The following ZNF44 variants were observed in gnomAD, a reference collection of about 807,000 sequenced individuals.
The protein encoded by ZNF44 is zinc finger protein 44, also known as gonadotropin inducible transcription repressor-2.
ZNF44 carries 9 observed loss-of-function variants against 11.7 expected under a neutral mutation model. The observed-to-expected ratio is 0.77, with a 90% CI of 0.46 to 1.35. The LOEUF is 1.35. ZNF44 is among the 40% of genes most tolerant of loss of function. The pLI, the probability that ZNF44 is intolerant of heterozygous loss-of-function variation, is 0.00. For synonymous variants in ZNF44, 224 were observed against 242.7 expected, an observed-to-expected ratio of 0.92 and a Z score of 0.72; for missense variants, 696 against 743.1, an observed-to-expected ratio of 0.94 and a Z score of 0.74.
intron 2 of ZNF44, among the ~76,000 whole-genome samples, chr19:12,233,850 T>C (rs940767483): frequency 3.4e-4 from 52 of 151,838 alleles, no homozygotes; most frequent in African/African-American, 1.2e-3. Context: ...GATCATGAGG[T>C]CAGGAGTTCG....
chr19:12,284,257 T>C, intron 1 of ZNF44: 1 of 391,706 alleles, frequency 2.6e-6, no homozygotes, highest in Admixed American at 4.0e-5. Context: ...TATAATCATA[T>C]GGAGATAATA....
chr19:12,229,098 T>A (rs1040632310), intron 3 of ZNF44, among the ~76,000 whole-genome samples: 12 of 152,224 alleles, frequency 7.9e-5, no homozygotes, highest in African/African-American at 2.4e-4. Flanking sequence ...TTTAAGCACT[T>A]ATTTTTTTTG....
intron 5 of ZNF44, among the ~76,000 whole-genome samples, chr19:12,251,621 G>A (rs1916999474): frequency 6.6e-6 from 1 of 152,150 alleles, no homozygotes; most frequent in African/African-American, 2.4e-5. Flanking sequence ...CTACACTTCT[G>A]AGCCTCAGGG....
At chr19:12,241,240 G>C (rs1042562836), upstream of ZNF44, among the ~76,000 whole-genome samples, 2 of 152,210 alleles carry the variant, frequency 1.3e-5, no homozygotes, top group East Asian at 3.8e-4. Flanking sequence ...AAAACAAAAA[G>C]TAGAATATAA....
chr19:12,286,493 G>A (rs1398371994), intron 1 of ZNF44, among the ~76,000 whole-genome samples: 2 of 152,000 alleles, frequency 1.3e-5, no homozygotes, highest in Admixed American at 6.6e-5. Context: ...AATTAGCCGG[G>A]CGTGGTGGCG....
At chr19:12,231,219 GTA>G (rs1330654729) in intron 2 of ZNF44, among the ~76,000 whole-genome samples, 1 of 152,100 alleles carries the variant, frequency 6.6e-6, no homozygotes, top group Admixed American at 6.6e-5. Flanking sequence ...TCCTGTGTGG[GTA>G]TGTTTGAAAA....
chr19:12,258,556 G>A (rs987976798), intron 5 of ZNF44, among the ~76,000 whole-genome samples: 3 of 152,144 alleles, frequency 2.0e-5, no homozygotes, highest in African/African-American at 7.2e-5. Flanking sequence ...ATGGCCAGGT[G>A]CAGTGGCTCA....
At chr19:12,287,187 T>C (rs1967797283) in intron 1 of ZNF44, among the ~76,000 whole-genome samples, 1 of 151,904 alleles carries the variant, frequency 6.6e-6, no homozygotes, top group South Asian at 2.1e-4. Context: ...CAACCCCCAT[T>C]ATCCACCAAA....
intron 5 of ZNF44, among the ~76,000 whole-genome samples, chr19:12,253,978 C>T (rs889736547): frequency 1.3e-5 from 2 of 151,804 alleles, no homozygotes; most frequent in South Asian, 4.2e-4. Context: ...GACTCTGTCT[C>T]GAAAAAGGAA....
At chr19:12,235,736 C>T (rs971133963) in intron 1 of ZNF44, among the ~76,000 whole-genome samples, 1 of 152,124 alleles carries the variant, frequency 6.6e-6, no homozygotes, top group Non-Finnish European at 1.5e-5. Flanking sequence ...TGCTTGAGCC[C>T]AGCAGGCAGA....
At chr19:12,238,954 T>C (rs1916505127), upstream of ZNF44, among the ~76,000 whole-genome samples, 2 of 152,216 alleles carry the variant, frequency 1.3e-5, no homozygotes, top group Admixed American at 1.3e-4. Context: ...TGTGAGTTCC[T>C]GTCCCCTCAG....
At chr19:12,224,859 T>C (rs547860458), downstream of ZNF44, 73 of 152,004 alleles carry the variant, frequency 4.8e-4, no homozygotes, top group African/African-American at 1.6e-3. Flanking sequence ...AGGGTTGGAA[T>C]GTTCTGGGCG....
chr19:12,250,639 C>T (rs1242327644), intron 5 of ZNF44: 3 of 390,902 alleles, frequency 7.7e-6, no homozygotes, highest in Non-Finnish European at 1.5e-5. Flanking sequence ...AAATGCTGTA[C>T]AAAAAAATTC....
In ZNF44 at chr19:12,273,166, TTTC is replaced by T; in HGVS notation, c.1086_1088del (p.Lys363del). The T allele has an allele frequency of 6.2e-7, 1 of 1,613,838 alleles. No homozygotes were observed. The highest frequency in any genetic ancestry group is 1.3e-5 in the African/African-American group (1 of 75,048). On this transcript the variant is annotated inframe_deletion, in exon 4 of 4. Transcript: ENST00000355684. ...TCCCACATTGCTTACATTCATAGGG[TTTC>T]TCTAGAGTGTGAGTTCCTTCATGAA...
At chr19:12,269,182 ACTG>A (rs1966886306), downstream of ZNF44, among the ~76,000 whole-genome samples, 1 of 152,200 alleles carries the variant, frequency 6.6e-6, no homozygotes, top group Non-Finnish European at 1.5e-5. Context: ...GCTGGAAAAT[ACTG>A]CTTTTATGTG....
chr19:12,239,803 G>C (rs899747024), upstream of ZNF44, among the ~76,000 whole-genome samples: 1 of 151,022 alleles, frequency 6.6e-6, no homozygotes. Context: ...TGGAACTCCT[G>C]ACCTCGTGCT....
At chr19:12,260,077 A>T (rs1412565949) in intron 5 of ZNF44, 1 of 567,174 alleles carries the variant, frequency 1.8e-6, no homozygotes, top group Non-Finnish European at 3.3e-6. Context: ...TCACAACTTC[A>T]CTATAAATAC....
chr19:12,232,971 A>G (rs949683390), intron 2 of ZNF44, among the ~76,000 whole-genome samples: 3 of 152,228 alleles, frequency 2.0e-5, no homozygotes, highest in Non-Finnish European at 4.4e-5. Context: ...ACAGAGCAAG[A>G]GCATCGCCAT....
chr19:12,272,954 C>T lies in ZNF44; in HGVS notation c.1301G>A (p.Ser434Asn). The T allele has an allele frequency of 6.2e-7, 1 of 1,613,900 alleles. No homozygotes were observed. The highest frequency in any genetic ancestry group is 1.1e-5 in the South Asian group (1 of 91,074). The change falls in exon 4 of 4, where the codon AGT becomes AAT. Residue 434 changes from serine to asparagine, a missense_variant. Coordinates refer to ENST00000355684, the MANE Select transcript of ZNF44 (RefSeq NM_016264.4). ...TGTTGTTTCATGTTTTCGAAGGGAA[C>T]TGGAAGTACGGAAGGCTTTCCCACA... is the stretch of plus-strand genomic sequence containing the variant. ...KQCGKAFRTS[S>N]SLRKHETTHT...
Sources: allele counts gnomAD v4.1 joint callset (sites outside exome capture counted in the v4.1 genomes callset), GRCh38; gene constraint gnomAD v4.1.1; transcripts MANE v1.5; gene names NCBI Gene and HGNC (gene_info 2026-07-23, HGNC 2026-07-21).